The following TLK1 variants were observed in gnomAD, a reference collection of about 807,000 sequenced individuals.
TLK1 encodes the protein serine/threonine-protein kinase tousled-like 1.
Under a neutral mutation model 105.3 loss-of-function variants are expected in TLK1, and 24 were observed. The ratio of observed to expected loss-of-function variants is 0.23; its 90% CI spans 0.17 to 0.32. The LOEUF is 0.32. Ranked by LOEUF, TLK1 falls within the 10% of genes least tolerant of loss-of-function variation. The pLI, the probability that TLK1 is intolerant of heterozygous loss-of-function variation, is 1.00. For synonymous variants in TLK1, 321 were observed against 310.4 expected, an observed-to-expected ratio of 1.03 and a Z score of -0.36; for missense variants, 558 against 910.5, an observed-to-expected ratio of 0.61 and a Z score of 4.98.
chr2:171,127,458 G>C (rs1240751160), intron 1 of TLK1, among the ~76,000 whole-genome samples: 1 of 151,826 alleles, frequency 6.6e-6, no homozygotes, highest in Non-Finnish European at 1.5e-5. Context: ...ATACTATGTT[G>C]CATTATTTAT....
intron 11 of TLK1, among the ~76,000 whole-genome samples, chr2:171,044,094 A>T (rs959990809): frequency 6.6e-6 from 1 of 152,202 alleles, no homozygotes; most frequent in Non-Finnish European, 1.5e-5. Context: ...GATTAATACT[A>T]TCACCATCTA....
Position 170,991,136 on chromosome 2 carries a change from A to G in TLK1, c.*2644T>C, listed in dbSNP as rs1683764409. On this transcript the variant is annotated 3_prime_UTR_variant, in exon 21 of 21. Coordinates refer to ENST00000431350, the MANE Select transcript of TLK1 (RefSeq NM_012290.5). ...GCACACACTAAAGCAAATTCAAATCAAAGAAAGATTTTAAAATCATATGCA... is the reference window on the plus strand; with the variant it reads ...GCACACACTAAAGCAAATTCAAATCGAAGAAAGATTTTAAAATCATATGCA... 3 of 152,212 alleles carry G rather than the reference A, an allele frequency of 2.0e-5. No individual in the cohort carries two copies. Among genetic ancestry groups the G allele is most frequent in the Admixed American group, 2.0e-4 (3 of 15,286 alleles). The allele number at this position is 152,212 out of a possible 1,614,324, so 9.4% of individuals were successfully genotyped here. A position where few individuals can be genotyped will look rare whatever the true frequency, so the allele number is the denominator to read the frequency against.
upstream of TLK1, chr2:171,160,981 G>GGCGGCGGCA (rs1167605695): frequency 8.2e-5 from 16 of 195,058 alleles, no homozygotes; most frequent in African/African-American, 2.9e-4. This position sits in a 1 kb window ranked among gnomAD's most constrained non-coding sequence, Gnocchi z 4.4. Flanking sequence ...CGGCGGCGGC[G>GGCGGCGGCA]GCGGCGGCAG....
At chr2:171,223,711 C>T (rs529703295) in intron 1 of TLK1, among the ~76,000 whole-genome samples, 23 of 152,030 alleles carry the variant, frequency 1.5e-4, no homozygotes, top group African/African-American at 5.1e-4. Context: ...AACTTCTGAC[C>T]TCAGGTGATC....
chr2:171,000,372 C>T (rs1684302665), intron 18 of TLK1, among the ~76,000 whole-genome samples: 1 of 86,542 alleles, frequency 1.2e-5, no homozygotes, highest in Non-Finnish European at 2.1e-5. Context: ...GAGCGAAACT[C>T]TGTCAAAAAA....
chr2:171,043,952 T>C (rs1686816025), intron 11 of TLK1, among the ~76,000 whole-genome samples: 1 of 152,190 alleles, frequency 6.6e-6, no homozygotes, highest in South Asian at 2.1e-4. Context: ...TAAACAAATT[T>C]ACTAACTTAC....
At chr2:171,054,779 C>A in intron 7 of TLK1, 1 of 190,126 alleles carries the variant, frequency 5.3e-6, no homozygotes, top group Non-Finnish European at 1.1e-5. Context: ...CTTTAATGTC[C>A]ACTTCTAAAA....
intron 2 of TLK1, among the ~76,000 whole-genome samples, chr2:171,088,106 G>A (rs948498905): frequency 1.3e-5 from 2 of 152,066 alleles, no homozygotes; most frequent in Non-Finnish European, 2.9e-5. Flanking sequence ...TGAAGTAGAC[G>A]GATGGCTTGA....
chr2:171,176,248 A>G (rs1036601576), intron 1 of TLK1, among the ~76,000 whole-genome samples: 1 of 152,090 alleles, frequency 6.6e-6, no homozygotes, highest in Non-Finnish European at 1.5e-5. Context: ...CCGGGATATC[A>G]AGGGTTTTAA....
chr2:171,070,812 G>A (rs972288111), intron 3 of TLK1, among the ~76,000 whole-genome samples: 22 of 152,194 alleles, frequency 1.4e-4, no homozygotes, highest in Middle Eastern at 3.4e-3. Flanking sequence ...TGGATCGCAC[G>A]GTAGCTCTAT....
At chr2:171,051,991 T>G (rs1339400924) in intron 8 of TLK1, among the ~76,000 whole-genome samples, 1 of 152,138 alleles carries the variant, frequency 6.6e-6, no homozygotes, top group African/African-American at 2.4e-5. Context: ...AAAGATCAGC[T>G]GGGCATGGTG....
In TLK1 at chr2:171,119,331, T is replaced by A. The variant is rs550450635; in HGVS notation, c.140-1474A>T. ...AGCAAAAACATAAACAGTTCTAGTT[T>A]TCATAATTCAGCCACACCTGTTCCC... On this transcript the variant is annotated intron_variant, in intron 1 of 20. Transcript: ENST00000431350. Among the ~76,000 whole-genome samples the A allele has an allele frequency of 3.9e-5, 6 of 152,320 alleles. No individual in the cohort carries two copies. The South Asian group carries it at 1.2e-3, about 32-fold the overall frequency.
intron 3 of TLK1, among the ~76,000 whole-genome samples, chr2:171,068,054 T>A (rs1268494688): frequency 6.6e-6 from 1 of 151,958 alleles, no homozygotes; most frequent in Admixed American, 6.6e-5. Flanking sequence ...CAGCCGGGCA[T>A]GGTGGCTCAA....
intron 1 of TLK1, among the ~76,000 whole-genome samples, chr2:171,147,444 T>C (rs146754217): frequency 3.3e-5 from 5 of 152,314 alleles, no homozygotes; most frequent in East Asian, 1.9e-4. Flanking sequence ...GTTGTGATCA[T>C]AGCACAGTAC....
chr2:171,112,812 A>C (rs1465586531), intron 2 of TLK1, among the ~76,000 whole-genome samples: 8 of 152,196 alleles, frequency 5.3e-5, no homozygotes, highest in Non-Finnish European at 1.2e-4. Context: ...AAGATCAGCA[A>C]CAAACTTTAA....
chr2:171,156,125 T>C (rs1334852409), intron 1 of TLK1, among the ~76,000 whole-genome samples: 1 of 152,190 alleles, frequency 6.6e-6, no homozygotes, highest in Non-Finnish European at 1.5e-5. Flanking sequence ...AATTTTGATG[T>C]AATACCAAAG....
At chr2:171,039,402 A>G (rs1051696303) in intron 11 of TLK1, among the ~76,000 whole-genome samples, 3 of 152,114 alleles carry the variant, frequency 2.0e-5, no homozygotes, top group African/African-American at 7.2e-5. Flanking sequence ...AGTAGCTGGG[A>G]GTACAGGCCC....
rs928668558 is a variant in TLK1, at chr2:171,006,536, A to G, written c.1706T>C (p.Val569Ala). The G allele has an allele frequency of 6.2e-7, 1 of 1,612,988 alleles. No individual in the cohort carries two copies. The highest frequency in any genetic ancestry group is 8.5e-7 in the Non-Finnish European group (1 of 1,179,538). The change falls in exon 17 of 21, where the codon GTA (valine) becomes GCA (alanine). Residue 569 changes from valine (V) to alanine (A), a missense_variant. Coordinates refer to ENST00000431350, the MANE Select transcript of TLK1 (RefSeq NM_012290.5). ...CTCATTGAGATATCTTAGTGCATTT[A>G]CAATCTGCATTACAATAGACCGAGC... ...KEARSIVMQIVNALRYLNEIK... is the reference protein window; with the variant it reads ...KEARSIVMQIANALRYLNEIK...
At chr2:171,219,747 C>A in intron 1 of TLK1, among the ~76,000 whole-genome samples, 1 of 152,178 alleles carries the variant, frequency 6.6e-6, no homozygotes, top group East Asian at 1.9e-4. Context: ...ATTAAAGGCA[C>A]GTGCCACCAC....
Sources: gnomAD v4.1 joint callset for allele counts (sites outside exome capture counted in the v4.1 genomes callset) on GRCh38, gnomAD v4.1.1 for gene constraint, Gnocchi (gnomAD v3.1) non-coding constraint, MANE v1.5 for transcripts, NCBI Gene and HGNC (gene_info 2026-07-23, HGNC 2026-07-21) for gene names.